Variants in ZHX3 observed in about 807,000 individuals in gnomAD.
The protein encoded by ZHX3 is zinc fingers and homeoboxes protein 3.
In ZHX3, 20 loss-of-function variants were observed where a neutral mutation model predicts 64.5. That is an observed-to-expected ratio of 0.31 (90% CI 0.22 to 0.45). The LOEUF is 0.45. Among genes scored for constraint, ZHX3 ranks in the 20% least tolerant of loss-of-function variants. The pLI is 1.00. For missense variants in ZHX3, 1,041 were observed against 1,195.8 expected, an observed-to-expected ratio of 0.87 and a Z score of 1.91; for synonymous variants, 423 against 461.6, an observed-to-expected ratio of 0.92 and a Z score of 1.07.
Position 41,203,259 on chromosome 20 carries a change from T to C in ZHX3, c.1658A>G (p.Lys553Arg), listed in dbSNP as rs780486968. ...SDRRYHCRNL[K>R]GSRAMIPGDH... is the part of the protein sequence containing the mutation. ...TCCAGGTATCATCGCTCTGGAGCCCTTCAAGTTCCGGCAGTGGTATCTACG... is the reference window on the plus strand; with the variant it reads ...TCCAGGTATCATCGCTCTGGAGCCCCTCAAGTTCCGGCAGTGGTATCTACG... Residue 553 changes from lysine to arginine, a missense_variant, in exon 3 of 4, where the codon AAG (lysine) becomes AGG (arginine). By Grantham distance (26) the Lys-to-Arg change is conservative. Around this residue, in one of 4 missense-constraint regions of ZHX3, gnomAD observed 649 missense variants for 739.8 expected, o/e 0.88. Transcript: ENST00000683867. The surrounding 1 kb of genome is among the most constrained non-coding windows in gnomAD (Gnocchi z 7.1). 3.1e-6 allele frequency: 5 copies of C among 1,614,178 alleles called. No homozygotes were observed. The highest frequency in any genetic ancestry group is 4.2e-6 in the Non-Finnish European group (5 of 1,180,026).
At chr20:41,214,380 G>A (rs2039373592) in intron 2 of ZHX3, among the ~76,000 whole-genome samples, 1 of 152,168 alleles carries the variant, frequency 6.6e-6, no homozygotes, top group Non-Finnish European at 1.5e-5. Flanking sequence ...ACTGCCTGGA[G>A]CGCACACAAC....
chr20:41,305,471 A>AACAG (rs1568965710), intron 1 of ZHX3, among the ~76,000 whole-genome samples: 1 of 149,512 alleles, frequency 6.7e-6, no homozygotes, highest in African/African-American at 2.5e-5. Flanking sequence ...CAGTCTGGGC[A>AACAG]ACAGAGCAAG....
chr20:41,205,006 A>G lies in ZHX3; in HGVS notation c.-90T>C. 7.1e-7 allele frequency: 1 copy of G among 1,405,460 alleles called. No individual in the cohort carries two copies. Among genetic ancestry groups the G allele is most frequent in the Non-Finnish European group, 9.3e-7 (1 of 1,078,216 alleles). 87.1% of individuals were successfully genotyped at this position (1,405,460 alleles called of 1,614,324 possible). A position where few individuals can be genotyped will look rare whatever the true frequency, so the allele number is the denominator to read the frequency against. The stretch of plus-strand genomic sequence containing the variant: ...TCCAGCTTCTCGATGAGGGCCAAAG[A>G]AACAGTTTCTAAATGCAGCTTTTTC... On this transcript the variant is annotated 5_prime_UTR_variant, in exon 3 of 4. Coordinates refer to ENST00000683867, the MANE Select transcript of ZHX3 (RefSeq NM_001384317.1).
chr20:41,204,036 T>G lies in ZHX3; in HGVS notation c.881A>C (p.Lys294Thr). ...HHVHQPLPTAKALPKVMIPLS... is the reference protein window; with the variant it reads ...HHVHQPLPTATALPKVMIPLS... ...GGGGATCATCACTTTGGGAAGGGCC[T>G]TGGCCGTGGGCAGTGGCTGGTGGAC... The change falls in exon 3 of 4, where the codon AAG (lysine) becomes ACG (threonine). Residue 294 changes from lysine (K) to threonine (T), a missense_variant. Transcript: ENST00000683867. The surrounding 1 kb of genome is among the most constrained non-coding windows in gnomAD (Gnocchi z 6.6). The G allele has an allele frequency of 1.2e-6, 2 of 1,614,110 alleles. No individual in the cohort carries two copies. The highest frequency in any genetic ancestry group is 1.7e-6 in the Non-Finnish European group (2 of 1,179,958).
intron 1 of ZHX3, among the ~76,000 whole-genome samples, chr20:41,304,569 C>CTG (rs2146820036): frequency 6.6e-6 from 1 of 152,256 alleles, no homozygotes; most frequent in Admixed American, 6.5e-5. Context: ...TATGAAACAA[C>CTG]TATATATATG....
At position 41,180,619 on chromosome 20, in the gene ZHX3, C is replaced by T. The variant is rs931838462; in HGVS notation, c.*4572G>A. The stretch of plus-strand genomic sequence containing the variant: ...CTCTCAACCCCTCTCCAAGGCCAGA[C>T]GCTCTCTGTACTCCCATTAACTTCA... On this transcript the variant is annotated 3_prime_UTR_variant, in exon 4 of 4. Transcript: ENST00000683867. The T allele has an allele frequency of 2.6e-5, 4 of 152,330 alleles. No homozygotes were observed. The highest frequency in any genetic ancestry group is 5.9e-5 in the Non-Finnish European group (4 of 68,112). 9.4% of individuals were successfully genotyped at this position (152,330 alleles called of 1,614,324 possible).
chr20:41,313,518 G>A (rs904533325), intron 1 of ZHX3, among the ~76,000 whole-genome samples: 1 of 150,066 alleles, frequency 6.7e-6, no homozygotes. Flanking sequence ...CACAAACATA[G>A]AACTGGCTCA....
At chr20:41,255,584 T>C (rs887847243) in intron 2 of ZHX3, among the ~76,000 whole-genome samples, 1 of 152,190 alleles carries the variant, frequency 6.6e-6, no homozygotes, top group Non-Finnish European at 1.5e-5. Context: ...GCACTCTTTA[T>C]ATAGAGAAAC....
At chr20:41,227,354 C>CTA (rs1257879663) in intron 2 of ZHX3, among the ~76,000 whole-genome samples, 4 of 152,174 alleles carry the variant, frequency 2.6e-5, no homozygotes, top group Non-Finnish European at 5.9e-5. Flanking sequence ...ATCTAAAACG[C>CTA]AATAAAGTCA....
intron 2 of ZHX3, among the ~76,000 whole-genome samples, chr20:41,215,787 A>C (rs1355246476): frequency 6.7e-6 from 1 of 150,204 alleles, no homozygotes; most frequent in Non-Finnish European, 1.5e-5. Flanking sequence ...AAAAAAAAAA[A>C]AAAAATACAA....
rs957456682 is a variant in ZHX3, at chr20:41,179,479, A to G, written c.*5712T>C. 6.6e-6 allele frequency: 1 copy of G among 151,934 alleles called. No homozygotes were observed. Among genetic ancestry groups the G allele is most frequent in the Non-Finnish European group, 1.5e-5 (1 of 68,036 alleles). 9.4% of individuals were successfully genotyped at this position (151,934 alleles called of 1,614,324 possible). A position where few individuals can be genotyped will look rare whatever the true frequency, so the allele number is the denominator to read the frequency against. Reference sequence around the variant, plus strand: ...CAGGGATGAGTGACAAGATCTCCCTAAACAAATTACAGGATTCATAGGTAC... The same window carrying G: ...CAGGGATGAGTGACAAGATCTCCCTGAACAAATTACAGGATTCATAGGTAC... On this transcript the variant is annotated 3_prime_UTR_variant, in exon 4 of 4. Transcript: ENST00000683867. This position sits in a 1 kb window ranked among gnomAD's most constrained non-coding sequence, Gnocchi z 4.3.
chr20:41,248,712 G>A (rs2041838735), intron 2 of ZHX3, among the ~76,000 whole-genome samples: 1 of 152,136 alleles, frequency 6.6e-6, no homozygotes, highest in Non-Finnish European at 1.5e-5. Context: ...CCTCCTCTGT[G>A]GAATGAATGT....
At chr20:41,281,612 G>A (rs1339288731) in intron 1 of ZHX3, among the ~76,000 whole-genome samples, 1 of 152,106 alleles carries the variant, frequency 6.6e-6, no homozygotes, top group East Asian at 1.9e-4. Flanking sequence ...AACCATAGAT[G>A]GTAATTAAAT....
intron 1 of ZHX3, among the ~76,000 whole-genome samples, 157 bp from the exon 2 acceptor site, chr20:41,269,240 A>G (rs1446546976): frequency 6.6e-6 from 1 of 152,254 alleles, no homozygotes; most frequent in Non-Finnish European, 1.5e-5. Flanking sequence ...TTATCAAAAT[A>G]CAAACTAGCA....
intron 1 of ZHX3, among the ~76,000 whole-genome samples, chr20:41,296,232 TAAAAAAAAAAAAAAAAAAAAAAAAAA>T (rs57987896): frequency 1.4e-5 from 1 of 72,972 alleles, no homozygotes; most frequent in African/African-American, 4.7e-5. Context: ...GTTCATAAAG[TAAAAAAAAAAAAAAAAAAAAAAAAAA>T]AAAAAAAAAA....
At chr20:41,206,080 G>C (rs943776763) in intron 2 of ZHX3, among the ~76,000 whole-genome samples, 1 of 152,200 alleles carries the variant, frequency 6.6e-6, no homozygotes, top group African/African-American at 2.4e-5. Flanking sequence ...CTGCATCTGA[G>C]GGTCCTGACT....
rs2038446202 is a variant in ZHX3, at chr20:41,203,641, G to C, written c.1276C>G (p.Leu426Val). Residue 426 changes from leucine to valine, a missense_variant, in exon 3 of 4, where the codon CTG becomes GTG. Physicochemically the swap from Leu to Val is conservative, Grantham distance 32. Around this residue, in one of 4 missense-constraint regions of ZHX3, gnomAD observed 649 missense variants for 739.8 expected, o/e 0.88. Transcript: ENST00000683867. The surrounding 1 kb of genome is among the most constrained non-coding windows in gnomAD (Gnocchi z 7.1). ...GQPEGTGGGL[L>V]VTQPLMANGL... The stretch of plus-strand genomic sequence containing the variant: ...TTGGCCATCAATGGCTGAGTGACCA[G>C]AAGTCCCCCTCCTGTACCCTCTGGC... 1 of 1,614,236 alleles carries C rather than the reference G, an allele frequency of 6.2e-7. No homozygotes were observed. Among genetic ancestry groups the C allele is most frequent in the Non-Finnish European group, 8.5e-7 (1 of 1,180,038 alleles).
At chr20:41,257,785 G>A (rs945289131) in intron 2 of ZHX3, among the ~76,000 whole-genome samples, 4 of 131,700 alleles carry the variant, frequency 3.0e-5, no homozygotes, top group South Asian at 4.5e-4. Flanking sequence ...CTAAGTTTTC[G>A]TATTTTTAGT....
At chr20:41,292,146 G>T (rs930691883) in intron 1 of ZHX3, among the ~76,000 whole-genome samples, 1 of 151,202 alleles carries the variant, frequency 6.6e-6, no homozygotes, top group African/African-American at 2.4e-5. Context: ...CAGCTGAATT[G>T]TCAGTGTCAA....
Sources: allele counts gnomAD v4.1 joint callset (sites outside exome capture counted in the v4.1 genomes callset), GRCh38; gene constraint gnomAD v4.1.1; regional missense constraint gnomAD v4.1.1; non-coding constraint Gnocchi (gnomAD v3.1); transcripts MANE v1.5; gene names NCBI Gene and HGNC (gene_info 2026-07-23, HGNC 2026-07-21).